CFAP52: variants seen among roughly 807,000 people sequenced by gnomAD.
CFAP52 encodes the protein cilia and flagella associated protein 52, also known as cilia- and flagella-associated protein 52.
A neutral mutation model predicts 70.5 loss-of-function variants in CFAP52; 57 were observed. The ratio of observed to expected loss-of-function variants is 0.81; its 90% CI spans 0.65 to 1.01. The LOEUF is 1.01. CFAP52 is among the 50% of genes least tolerant of loss of function. The pLI, the probability that CFAP52 is intolerant of heterozygous loss-of-function variation, is 0.00. For missense variants in CFAP52, 785 were observed against 788.5 expected, an observed-to-expected ratio of 1.00 and a Z score of 0.05; for synonymous variants, 267 against 292.5, an observed-to-expected ratio of 0.91 and a Z score of 0.89.
At chr17:9,607,284 T>G (rs1385405907) in intron 6 of CFAP52, among the ~76,000 whole-genome samples, 1 of 152,160 alleles carries the variant, frequency 6.6e-6, no homozygotes, top group Admixed American at 6.5e-5. Flanking sequence ...AGGCAGAGAG[T>G]GCAGTGAGTT....
intron 9 of CFAP52, among the ~76,000 whole-genome samples, chr17:9,630,347 G>T (rs1446601945): frequency 6.6e-6 from 1 of 150,868 alleles, no homozygotes; most frequent in African/African-American, 2.4e-5. Flanking sequence ...GGAGGCCGAG[G>T]CGTGAGCCAC....
chr17:9,593,759 A>T (rs774511959), intron 3 of CFAP52, among the ~76,000 whole-genome samples: 1 of 152,062 alleles, frequency 6.6e-6, no homozygotes, highest in African/African-American at 2.4e-5. Flanking sequence ...CCCAGCCAAC[A>T]TTCGAAACCA....
chr17:9,585,781 C>T lies in CFAP52; in HGVS notation c.79C>T (p.Pro27Ser). The T allele has an allele frequency of 6.2e-7, 1 of 1,614,040 alleles. No individual in the cohort carries two copies. The highest frequency in any genetic ancestry group is 8.5e-7 in the Non-Finnish European group (1 of 1,179,988). ...GAATCTCTCTCTTTTAGGACATGTG[C>T]CCACTGGTCTCAAATGCCATCCTGA... is the stretch of plus-strand genomic sequence containing the variant. Reference protein sequence around the residue: ...DAVIGFNGHVPTGLKCHPDQE... With the variant: ...DAVIGFNGHVSTGLKCHPDQE... The change falls in exon 2 of 14, where the codon CCC (proline) becomes TCC (serine). Residue 27 changes from proline to serine, a missense_variant. By Grantham distance (74) the Pro-to-Ser change is moderately conservative. Transcript: ENST00000352665.
intron 1 of CFAP52, among the ~76,000 whole-genome samples, chr17:9,577,807 T>C (rs1472025731): frequency 6.6e-6 from 1 of 152,190 alleles, no homozygotes; most frequent in Non-Finnish European, 1.5e-5. Flanking sequence ...ACTCTGCAAC[T>C]GAGGCCGGGG....
chr17:9,606,028 T>C (rs750954649), intron 6 of CFAP52, among the ~76,000 whole-genome samples: 1 of 152,070 alleles, frequency 6.6e-6, no homozygotes, highest in Non-Finnish European at 1.5e-5. Flanking sequence ...TCTCAAATAC[T>C]TGTATCTTCT....
intron 6 of CFAP52, among the ~76,000 whole-genome samples, chr17:9,607,551 T>G (rs528312333): frequency 5.3e-5 from 8 of 152,340 alleles, no homozygotes; most frequent in South Asian, 4.1e-4. Flanking sequence ...TAGTACATGT[T>G]GTAGTTCAGA....
At chr17:9,594,398 T>G in intron 4 of CFAP52, 77 bp downstream of exon 4, 1 of 1,540,876 alleles carries the variant, frequency 6.5e-7, no homozygotes, top group South Asian at 1.2e-5. Flanking sequence ...GTCATTCTGA[T>G]CTGGGGGAAC....
chr17:9,639,120 C>T, intron 12 of CFAP52: 3 of 161,560 alleles, frequency 1.9e-5, no homozygotes, highest in Admixed American at 6.2e-5. Flanking sequence ...CACTGTACTT[C>T]ATCAATACAT....
rs1229380118 is a variant in CFAP52, at chr17:9,631,056, A to AGAGAGAGAGAGAG, written c.1175-1832_1175-1831insGAGAGAGAGAGAG. ...AGAGAGAGAGAGAGAGAGAGAGAGA[A>AGAGAGAGAGAGAG]AGAAAGAAAGAAAGAAAGAAAGAAA... On this transcript the variant is annotated intron_variant, in intron 9 of 13. Transcript: ENST00000352665. Among the ~76,000 whole-genome samples the AGAGAGAGAGAGAG allele has an allele frequency of 8.5e-4, 60 of 70,856 alleles. 1 individual carries two copies. Among genetic ancestry groups the AGAGAGAGAGAGAG allele is most frequent in the African/African-American group, 3.4e-3 (50 of 14,530 alleles). 46.5% of individuals were successfully genotyped at this position (70,856 alleles called of 152,430 possible).
At chr17:9,585,216 C>A (rs779270573) in intron 1 of CFAP52, among the ~76,000 whole-genome samples, 2 of 152,146 alleles carry the variant, frequency 1.3e-5, no homozygotes, top group Non-Finnish European at 2.9e-5. Flanking sequence ...AGAATCTCAA[C>A]CCCTTCTCAG....
At chr17:9,603,557 G>A (rs902451970) in intron 6 of CFAP52, among the ~76,000 whole-genome samples, 3 of 152,150 alleles carry the variant, frequency 2.0e-5, no homozygotes, top group Admixed American at 1.3e-4. Flanking sequence ...GTATTGTCAC[G>A]ATATGAGTTC....
chr17:9,642,398 T>G (rs1911111909), intron 13 of CFAP52, among the ~76,000 whole-genome samples: 1 of 152,104 alleles, frequency 6.6e-6, no homozygotes, highest in Non-Finnish European at 1.5e-5. Context: ...CCAAGGCAGG[T>G]GGATCACCTG....
intron 3 of CFAP52, among the ~76,000 whole-genome samples, chr17:9,592,629 T>C (rs1162826508): frequency 6.6e-6 from 1 of 152,244 alleles, no homozygotes; most frequent in Non-Finnish European, 1.5e-5. Flanking sequence ...TGTGGTCTTT[T>C]GTGACTGGCT....
At chr17:9,610,977 G>C (rs1395707205) in intron 7 of CFAP52, among the ~76,000 whole-genome samples, 1 of 152,236 alleles carries the variant, frequency 6.6e-6, no homozygotes, top group Admixed American at 6.5e-5. Context: ...ACTTGTAAAG[G>C]AGGAATTATT....
chr17:9,635,812 A>G (rs1048671472), intron 11 of CFAP52, among the ~76,000 whole-genome samples: 2 of 152,220 alleles, frequency 1.3e-5, no homozygotes, highest in African/African-American at 2.4e-5. Flanking sequence ...GTGTCCACAC[A>G]GTGAAGCATG....
chr17:9,632,253 TG>T (rs1348684151), intron 9 of CFAP52, among the ~76,000 whole-genome samples: 3 of 148,814 alleles, frequency 2.0e-5, no homozygotes, highest in Non-Finnish European at 3.0e-5. Context: ...AGTTTTTTTT[TG>T]TTTTTTTTTT....
chr17:9,580,582 G>C (rs146008600), intron 1 of CFAP52, among the ~76,000 whole-genome samples: 3 of 151,680 alleles, frequency 2.0e-5, no homozygotes, highest in Non-Finnish European at 2.9e-5. Flanking sequence ...CCAGCTATTC[G>C]AGAGGCTGAG....
At chr17:9,640,346 A>G (rs2151954154) in intron 12 of CFAP52, among the ~76,000 whole-genome samples, 1 of 150,760 alleles carries the variant, frequency 6.6e-6, no homozygotes, top group East Asian at 2.0e-4. Flanking sequence ...TCACCTCGGT[A>G]TTAAGCCCTG....
rs1411545752 is a variant in CFAP52 at position 9,635,603 on chromosome 17, A to G, written c.1472+47A>G. On this transcript the variant is annotated intron_variant, in intron 11 of 13. Coordinates refer to ENST00000352665, the MANE Select transcript of CFAP52 (RefSeq NM_145054.5). ...GATGCAGTGATACCTGCAAAATCCA[A>G]TCATGCCAACAGTTTATTGAACATG... 8 of 1,611,504 alleles carry G rather than the reference A, an allele frequency of 5.0e-6. No individual in the cohort carries two copies. In the East Asian group the frequency reaches 8.9e-5, roughly 18 times the overall value.
Sources: allele counts gnomAD v4.1 joint callset (sites outside exome capture counted in the v4.1 genomes callset), GRCh38; gene constraint gnomAD v4.1.1; transcripts MANE v1.5; gene names NCBI Gene and HGNC (gene_info 2026-07-23, HGNC 2026-07-21).